SMIM22: variants seen among roughly 807,000 people sequenced by gnomAD.
The protein encoded by SMIM22 is cancer associated small integral membrane open reading frame 1.
In SMIM22, 16 loss-of-function variants were observed where a neutral mutation model predicts 8.4. The observed-to-expected ratio is 1.90, with a 90% CI of 1.29 to 2.89. SMIM22 has a LOEUF of 2.89. Ranked by LOEUF, SMIM22 falls within the 30% of genes most tolerant of loss-of-function variation. The pLI, the probability that SMIM22 is intolerant of heterozygous loss-of-function variation, is 0.00. For synonymous variants in SMIM22, 67 were observed against 47.6 expected (o/e 1.41, Z -1.68); for missense variants, 159 against 107.5 (o/e 1.48, Z -2.12).
At chr16:4,791,194 T>C (rs1596265375), upstream of SMIM22, among the ~76,000 whole-genome samples, 1 of 152,054 alleles carries the variant, frequency 6.6e-6, no homozygotes, top group Admixed American at 6.6e-5. Context: ...CCTCACTGGG[T>C]GCCAGTAGGG....
Position 4,796,253 on chromosome 16 carries a change from G to T in SMIM22, c.*22G>T. The T allele has an allele frequency of 6.5e-7, 1 of 1,535,252 alleles. No homozygotes were observed. The highest frequency in any genetic ancestry group is 8.7e-7 in the Non-Finnish European group (1 of 1,146,556). On this transcript the variant is annotated 3_prime_UTR_variant, in exon 4 of 4. Coordinates refer to ENST00000586005, the MANE Select transcript of SMIM22 (RefSeq NM_001253794.2). ...CTGACCCTGTGTCTCCTGCCCGGTGGCAGTAACAAAGCCTTCTGTCTGCCC... is the reference window on the plus strand; with the variant it reads ...CTGACCCTGTGTCTCCTGCCCGGTGTCAGTAACAAAGCCTTCTGTCTGCCC...
At chr16:4,789,749 A>G (rs1475078640) in intron 2 of SMIM22, among the ~76,000 whole-genome samples, 2 of 152,022 alleles carry the variant, frequency 1.3e-5, no homozygotes, top group Non-Finnish European at 2.9e-5. Context: ...GTGAACCACC[A>G]TGCCCAGCCT....
Position 4,795,782 on chromosome 16 carries a change from G to C in SMIM22, c.48G>C (p.Leu16=). The C allele has an allele frequency of 3.3e-6, 5 of 1,535,986 alleles. No individual in the cohort carries two copies. The South Asian group carries it at 4.8e-5, about 15-fold the overall frequency. The part of the protein sequence containing the change: ...EELEATVQEV[L]GRLKSHQFFQ... ...TGGAGGCCACGGTTCAGGAAGTCCT[G>C]GGGAGACTGAAGAGCCACCAGTTTT... The change falls in exon 2 of 4, where the codon CTG becomes CTC. Residue 16 remains leucine, a synonymous_variant. Transcript: ENST00000586005.
chr16:4,793,799 TG>T (rs1567586887), upstream of SMIM22, among the ~76,000 whole-genome samples: 1 of 152,248 alleles, frequency 6.6e-6, no homozygotes, highest in Non-Finnish European at 1.5e-5. Context: ...TTTCTTGAGA[TG>T]GAGTCTTGCT....
At chr16:4,792,381 G>A (rs934002262), upstream of SMIM22, among the ~76,000 whole-genome samples, 5 of 150,836 alleles carry the variant, frequency 3.3e-5, 1 homozygote, top group South Asian at 4.2e-4. Flanking sequence ...TAGTAGAGAC[G>A]GGGTTTCACC....
At chr16:4,794,502 C>A (rs1389371298), upstream of SMIM22, among the ~76,000 whole-genome samples, 1 of 149,424 alleles carries the variant, frequency 6.7e-6, no homozygotes, top group Non-Finnish European at 1.5e-5. Context: ...CTCACCACAA[C>A]CTCTGCCTCC....
chr16:4,793,080 G>C (rs1215195442), upstream of SMIM22, among the ~76,000 whole-genome samples: 3 of 134,736 alleles, frequency 2.2e-5, no homozygotes, highest in Non-Finnish European at 4.6e-5. Context: ...CTGCACTCTA[G>C]CCTCAGCAAA....
At chr16:4,788,946 C>T (rs2082504314) in intron 2 of SMIM22, among the ~76,000 whole-genome samples, 1 of 152,216 alleles carries the variant, frequency 6.6e-6, no homozygotes, top group Non-Finnish European at 1.5e-5. Flanking sequence ...GAGATGCCCT[C>T]TTTAAATAGG....
upstream of SMIM22, among the ~76,000 whole-genome samples, chr16:4,790,489 G>A (rs537402225): frequency 6.6e-6 from 1 of 152,228 alleles, no homozygotes; most frequent in Admixed American, 6.6e-5. Flanking sequence ...TAACCTTAAA[G>A]GCTTAGAGGC....
chr16:4,796,094 G>T (rs1302576014), intron 3 of SMIM22, 46 bp downstream of exon 3: 6 of 1,535,594 alleles, frequency 3.9e-6, no homozygotes, highest in Non-Finnish European at 5.2e-6. Context: ...TGTACTGGGG[G>T]TGGAGGCGGA....
chr16:4,790,203 G>A (rs2082530706), intron 2 of SMIM22: 1 of 152,140 alleles, frequency 6.6e-6, no homozygotes, highest in African/African-American at 2.4e-5. Flanking sequence ...GCTGGCAAGT[G>A]TTTTCTGTAA....
chr16:4,793,725 C>G (rs2082589667), upstream of SMIM22, among the ~76,000 whole-genome samples: 1 of 152,122 alleles, frequency 6.6e-6, no homozygotes, highest in African/African-American at 2.4e-5. Flanking sequence ...TTACTGTTCC[C>G]TATACAATGT....
At position 4,796,348 on chromosome 16, in the gene SMIM22, G is replaced by C; in HGVS notation, c.*117G>C. 1 of 1,260,562 alleles carries C rather than the reference G, an allele frequency of 7.9e-7. No individual in the cohort carries two copies. The highest frequency in any genetic ancestry group is 1.1e-6 in the Non-Finnish European group (1 of 918,446). 78.1% of individuals were successfully genotyped at this position (1,260,562 alleles called of 1,614,324 possible). Reference sequence around the variant, plus strand: ...GACGCGGGACTCGCCGCCCCACTCAGGTGGCCACCTGGCCTCTCCAAGCCT... The same window carrying C: ...GACGCGGGACTCGCCGCCCCACTCACGTGGCCACCTGGCCTCTCCAAGCCT... On this transcript the variant is annotated 3_prime_UTR_variant, in exon 4 of 4. Coordinates refer to ENST00000586005, the MANE Select transcript of SMIM22 (RefSeq NM_001253794.2).
Position 4,795,452 on chromosome 16 carries a change from A to C in SMIM22, c.-21+3A>C. The C allele has an allele frequency of 9.1e-6, 4 of 439,916 alleles. No homozygotes were observed. Among genetic ancestry groups the C allele is most frequent in the Non-Finnish European group, 1.7e-5 (4 of 242,358 alleles). The allele number at this position is 439,916 out of a possible 1,614,324, so 27.3% of individuals were successfully genotyped here. ...GGGGAATTGGAGGCTTCTAGGAGGTAGGTGGGGGCCTGGGGGCTGGGCTGC... is the reference window on the plus strand; with the variant it reads ...GGGGAATTGGAGGCTTCTAGGAGGTCGGTGGGGGCCTGGGGGCTGGGCTGC... On this transcript the variant is annotated splice_donor_region_variant and intron_variant, in intron 1 of 3. Transcript: ENST00000586005.
At chr16:4,789,429 C>T (rs890860073) in intron 2 of SMIM22, among the ~76,000 whole-genome samples, 2 of 151,932 alleles carry the variant, frequency 1.3e-5, no homozygotes, top group Admixed American at 6.6e-5. Context: ...GGGTTCACGC[C>T]GCTCTCCTGC....
chr16:4,789,464 T>C (rs1461804405), intron 2 of SMIM22, among the ~76,000 whole-genome samples: 12 of 152,108 alleles, frequency 7.9e-5, no homozygotes. Flanking sequence ...TAGCTGGGAC[T>C]ACAGGCGCCT....
At chr16:4,790,986 G>A (rs1399758250), upstream of SMIM22, among the ~76,000 whole-genome samples, 1 of 152,196 alleles carries the variant, frequency 6.6e-6, no homozygotes, top group African/African-American at 2.4e-5. Context: ...TCTCCCATAA[G>A]CAGCTGAGGA....
chr16:4,794,220 G>A (rs1394986249), upstream of SMIM22, among the ~76,000 whole-genome samples: 1 of 152,046 alleles, frequency 6.6e-6, no homozygotes, highest in Non-Finnish European at 1.5e-5. Flanking sequence ...CAATTCTCCT[G>A]CCTCAGCCTC....
rs2082644861 is a variant in SMIM22 at position 4,796,349 on chromosome 16, G to A, written c.*118G>A. On this transcript the variant is annotated 3_prime_UTR_variant, in exon 4 of 4. Coordinates refer to ENST00000586005, the MANE Select transcript of SMIM22 (RefSeq NM_001253794.2). Reference sequence around the variant, plus strand: ...ACGCGGGACTCGCCGCCCCACTCAGGTGGCCACCTGGCCTCTCCAAGCCTT... The same window carrying A: ...ACGCGGGACTCGCCGCCCCACTCAGATGGCCACCTGGCCTCTCCAAGCCTT... 1 of 1,242,356 alleles carries A rather than the reference G, an allele frequency of 8.0e-7. No homozygotes were observed. The highest frequency in any genetic ancestry group is 1.1e-6 in the Non-Finnish European group (1 of 902,026). 77.0% of individuals were successfully genotyped at this position (1,242,356 alleles called of 1,614,324 possible).
Sources: allele counts gnomAD v4.1 joint callset (sites outside exome capture counted in the v4.1 genomes callset), GRCh38; gene constraint gnomAD v4.1.1; transcripts MANE v1.5; gene names NCBI Gene and HGNC (gene_info 2026-07-23, HGNC 2026-07-21).